RPL36: variants seen among roughly 807,000 people sequenced by gnomAD.
RPL36 encodes ribosomal protein L36.
For missense variants in RPL36, 131 were observed against 144.9 expected, an observed-to-expected ratio of 0.90 and a Z score of 0.49; for synonymous variants, 74 against 56.0, an observed-to-expected ratio of 1.32 and a Z score of -1.44.
At chr19:5,690,700 C>T in intron 2 of RPL36, 100 bp downstream of exon 2, 1 of 971,708 alleles carries the variant, frequency 1.0e-6, no homozygotes, top group Non-Finnish European at 1.6e-6. Context: ...CGCGTTCGGG[C>T]GCAGAACTAA....
Position 5,691,663 on chromosome 19 carries a change from C to T in RPL36, c.*42C>T. On this transcript the variant is annotated 3_prime_UTR_variant, in exon 4 of 4. Coordinates refer to ENST00000347512, the MANE Select transcript of RPL36 (RefSeq NM_033643.3). ...CTCCCTGAAATAAAGAACAGCTTGA[C>T]AGAAGCCCTGGCTCTCCTGCTGTCC... The T allele has an allele frequency of 6.4e-7, 1 of 1,556,878 alleles. No homozygotes were observed. The highest frequency in any genetic ancestry group is 8.7e-7 in the Non-Finnish European group (1 of 1,148,022).
In RPL36 at chr19:5,691,759, CGGGTGCTGCCT is replaced by C. The variant is rs1423022584; in HGVS notation, c.*141_*151del. Reference sequence around the variant, plus strand: ...TGCCCGCTCTGAGCCACACCCTCTCCGGGTGCTGCCTGGTCGTGAATCAAAAGCCGTGGCCC... The same window carrying C: ...TGCCCGCTCTGAGCCACACCCTCTCCGGTCGTGAATCAAAAGCCGTGGCCC... On this transcript the variant is annotated 3_prime_UTR_variant, in exon 4 of 4. Coordinates refer to ENST00000347512, the MANE Select transcript of RPL36 (RefSeq NM_033643.3). 2.8e-5 allele frequency: 29 copies of C among 1,027,426 alleles called. No homozygotes were observed. Among genetic ancestry groups the C allele is most frequent in the Non-Finnish European group, 4.3e-5 (29 of 682,250 alleles). 63.6% of individuals were successfully genotyped at this position (1,027,426 alleles called of 1,614,324 possible). A position where few individuals can be genotyped will look rare whatever the true frequency, so the allele number is the denominator to read the frequency against.
At chr19:5,690,445 C>G in intron 1 of RPL36, 61 bp from the exon 2 acceptor site, 2 of 1,305,100 alleles carry the variant, frequency 1.5e-6, no homozygotes, top group East Asian at 5.0e-5. Context: ...ACGCGGGGCT[C>G]TGGGCCTCGG....
chr19:5,690,378 T>A, intron 1 of RPL36, 51 bp downstream of exon 1: 1 of 740,082 alleles, frequency 1.4e-6, no homozygotes. Context: ...GACTCCCGGG[T>A]CCTCTGTGCA....
intron 2 of RPL36, 177 bp downstream of exon 2, chr19:5,690,777 A>T (rs1270639786): frequency 1.6e-6 from 1 of 644,434 alleles, no homozygotes; most frequent in East Asian, 2.7e-5. Context: ...GAAGGCGGGC[A>T]CCCATCTGGG....
At chr19:5,691,263 G>C in intron 2 of RPL36, 56 bp from the exon 3 acceptor site, 1 of 1,610,618 alleles carries the variant, frequency 6.2e-7, no homozygotes. Context: ...GAGAGAAGCT[G>C]CTTAACTAGA....
chr19:5,690,830 C>T (rs1420678767), intron 2 of RPL36: 2 of 597,088 alleles, frequency 3.3e-6, no homozygotes, highest in Admixed American at 2.9e-5. Flanking sequence ...GAGGGAGCAC[C>T]TTGAGAGCGG....
chr19:5,690,709 A>T, intron 2 of RPL36, 109 bp downstream of exon 2: 1 of 867,074 alleles, frequency 1.2e-6, no homozygotes, highest in Admixed American at 2.0e-5. Context: ...GCGCAGAACT[A>T]AGGGGGGCTT....
rs2054823431 is a variant in RPL36, at chr19:5,691,686, T to TC, written c.*67dup. 6.7e-7 allele frequency: 1 copy of TC among 1,501,364 alleles called. No homozygotes were observed. Among genetic ancestry groups the TC allele is most frequent in the Non-Finnish European group, 9.1e-7 (1 of 1,103,140 alleles). The allele number at this position is 1,501,364 out of a possible 1,614,324, so 93.0% of individuals were successfully genotyped here. A position where few individuals can be genotyped will look rare whatever the true frequency, so the allele number is the denominator to read the frequency against. On this transcript the variant is annotated 3_prime_UTR_variant, in exon 4 of 4. Coordinates refer to ENST00000347512, the MANE Select transcript of RPL36 (RefSeq NM_033643.3). ...GACAGAAGCCCTGGCTCTCCTGCTGTCCGTGGGTGGGTGTGGGTGTGTCGG... is the reference window on the plus strand; with the variant it reads ...GACAGAAGCCCTGGCTCTCCTGCTGTCCCGTGGGTGGGTGTGGGTGTGTCGG...
At chr19:5,691,140 T>C in intron 2 of RPL36, 179 bp from the exon 3 acceptor site, 1 of 824,630 alleles carries the variant, frequency 1.2e-6, no homozygotes, top group Non-Finnish European at 2.0e-6. Context: ...AGACTGGGAC[T>C]TAGGGAGGAT....
chr19:5,690,314 C>T lies in RPL36; in HGVS notation c.-16C>T, dbSNP rs553500565. ...GCCAGCCCTTCCGCCACGGCCGTCT[C>T]TGGAGAGCAGCAGGTAAGTGGTTTC... On this transcript the variant is annotated 5_prime_UTR_variant, in exon 1 of 4. Coordinates refer to ENST00000347512, the MANE Select transcript of RPL36 (RefSeq NM_033643.3). 12 of 638,520 alleles carry T rather than the reference C, an allele frequency of 1.9e-5. No homozygotes were observed. Among genetic ancestry groups the T allele is most frequent in the South Asian group, 1.7e-4 (10 of 57,234 alleles). The allele number at this position is 638,520 out of a possible 1,614,324, so 39.6% of individuals were successfully genotyped here. A position where few individuals can be genotyped will look rare whatever the true frequency, so the allele number is the denominator to read the frequency against.
At chr19:5,691,511 C>T (rs369944837) in intron 3 of RPL36, 21 bp from the exon 4 acceptor site, 79 of 1,609,036 alleles carry the variant, frequency 4.9e-5, no homozygotes, top group Non-Finnish European at 6.5e-5. Context: ...GCCGGGCTGA[C>T]GGCGGCCTCG....
In RPL36 at chr19:5,691,652, G is replaced by A. The variant is rs1399618911; in HGVS notation, c.*31G>A. ...TCCCCTGCCCTCTCCCTGAAATAAA[G>A]AACAGCTTGACAGAAGCCCTGGCTC... On this transcript the variant is annotated 3_prime_UTR_variant, in exon 4 of 4. Coordinates refer to ENST00000347512, the MANE Select transcript of RPL36 (RefSeq NM_033643.3). 3.2e-6 allele frequency: 5 copies of A among 1,574,890 alleles called. No homozygotes were observed. The highest frequency in any genetic ancestry group is 2.7e-5 in the African/African-American group (2 of 74,322).
In RPL36 at chr19:5,691,537, G is replaced by A; in HGVS notation, c.234G>A (p.Gly78=). The change falls in exon 4 of 4, where the codon GGG becomes GGA. Residue 78 remains glycine, a synonymous_variant. Coordinates refer to ENST00000347512, the MANE Select transcript of RPL36 (RefSeq NM_033643.3). ...GGCGGCCTCGTCCCTGGCAGGTGGG[G>A]ACGCACATCCGCGCCAAGAGGAAGC... ...RALKFIKKRV[G]THIRAKRKRE... is the part of the protein sequence containing the mutation. 1 of 1,612,102 alleles carries A rather than the reference G, an allele frequency of 6.2e-7. No individual in the cohort carries two copies. The highest frequency in any genetic ancestry group is 2.2e-5 in the East Asian group (1 of 44,872).
chr19:5,691,816 C>G lies in RPL36; in HGVS notation c.*195C>G, dbSNP rs1165521235. 9.8e-6 allele frequency: 8 copies of G among 812,562 alleles called. No homozygotes were observed. In the South Asian group the frequency reaches 1.4e-4, roughly 14 times the overall value. The allele number at this position is 812,562 out of a possible 1,614,324, so 50.3% of individuals were successfully genotyped here. A position where few individuals can be genotyped will look rare whatever the true frequency, so the allele number is the denominator to read the frequency against. On this transcript the variant is annotated 3_prime_UTR_variant, in exon 4 of 4. Coordinates refer to ENST00000347512, the MANE Select transcript of RPL36 (RefSeq NM_033643.3). The stretch of plus-strand genomic sequence containing the variant: ...GGCCCGCCCACCCTTCCCGGGGCAG[C>G]AGGTGAGGAAGCCGCCGTACTGCAA...
intron 2 of RPL36, chr19:5,691,092 G>A (rs929533880): frequency 1.4e-5 from 9 of 626,164 alleles, no homozygotes; most frequent in African/African-American, 1.3e-4. Flanking sequence ...TATTCAGCAG[G>A]CAGCCCAGAC....
Position 5,691,705 on chromosome 19 carries a change from G to T in RPL36, c.*84G>T. ...CTGCTGTCCGTGGGTGGGTGTGGGT[G>T]TGTCGGGGGCCCGCAGTCCCCTGTC... On this transcript the variant is annotated 3_prime_UTR_variant, in exon 4 of 4. Transcript: ENST00000347512. 1 of 1,389,456 alleles carries T rather than the reference G, an allele frequency of 7.2e-7. No homozygotes were observed. Among genetic ancestry groups the T allele is most frequent in the Non-Finnish European group, 1.0e-6 (1 of 1,003,684 alleles). The allele number at this position is 1,389,456 out of a possible 1,614,324, so 86.1% of individuals were successfully genotyped here. A position where few individuals can be genotyped will look rare whatever the true frequency, so the allele number is the denominator to read the frequency against.
chr19:5,690,333 T>C lies in RPL36; in HGVS notation c.-3+6T>C. On this transcript the variant is annotated splice_donor_region_variant and intron_variant, in intron 1 of 3. Coordinates refer to ENST00000347512, the MANE Select transcript of RPL36 (RefSeq NM_033643.3). ...CCGTCTCTGGAGAGCAGCAGGTAAGTGGTTTCCCGCACTGCCGGTATCCGC... is the reference window on the plus strand; with the variant it reads ...CCGTCTCTGGAGAGCAGCAGGTAAGCGGTTTCCCGCACTGCCGGTATCCGC... 1.5e-6 allele frequency: 1 copy of C among 656,366 alleles called. No homozygotes were observed. The allele number at this position is 656,366 out of a possible 1,614,324, so 40.7% of individuals were successfully genotyped here.
chr19:5,691,655 C>CGGGAGG lies in RPL36; in HGVS notation c.*34_*35insGGGAGG. The CGGGAGG allele has an allele frequency of 6.4e-7, 1 of 1,568,850 alleles. No homozygotes were observed. The highest frequency in any genetic ancestry group is 8.6e-7 in the Non-Finnish European group (1 of 1,156,152). ...CCTGCCCTCTCCCTGAAATAAAGAA[C>CGGGAGG]AGCTTGACAGAAGCCCTGGCTCTCC... On this transcript the variant is annotated 3_prime_UTR_variant, in exon 4 of 4. Transcript: ENST00000347512.
Sources: allele counts gnomAD v4.1 joint callset, GRCh38; gene constraint gnomAD v4.1.1; transcripts MANE v1.5; gene names NCBI Gene and HGNC (gene_info 2026-07-23, HGNC 2026-07-21).